Variants in HDAC9 observed in about 807,000 individuals in gnomAD.
HDAC9 encodes histone deacetylase 9, also known as MEF-2 interacting transcription repressor (MITR) protein.
A neutral mutation model predicts 139.4 loss-of-function variants in HDAC9; 41 were observed. The ratio of observed to expected loss-of-function variants is 0.29; its 90% CI spans 0.23 to 0.38. HDAC9 has a LOEUF of 0.38. Ranked by LOEUF, HDAC9 falls within the 10% of genes least tolerant of loss-of-function variation. The pLI is 1.00. For missense variants in HDAC9, 1,147 were observed against 1,297.0 expected, an observed-to-expected ratio of 0.88 and a Z score of 1.78; for synonymous variants, 517 against 476.2, an observed-to-expected ratio of 1.09 and a Z score of -1.12.
intron 17 of HDAC9, among the ~76,000 whole-genome samples, chr7:18,798,900 A>T (rs1006109323): frequency 5.9e-5 from 9 of 152,116 alleles, no homozygotes; most frequent in Non-Finnish European, 1.2e-4. Context: ...GCATACTCAG[A>T]TTTGTGTTCC....
intron 1 of HDAC9, among the ~76,000 whole-genome samples, chr7:18,320,860 A>T (rs1453367785): frequency 6.6e-6 from 1 of 152,102 alleles, no homozygotes; most frequent in African/African-American, 2.4e-5. Context: ...CAGCTGTGTG[A>T]CCTCAAGCAG....
chr7:18,247,970 G>A (rs1794666134), intron 2 of HDAC9, among the ~76,000 whole-genome samples: 1 of 152,130 alleles, frequency 6.6e-6, no homozygotes, highest in South Asian at 2.1e-4. Flanking sequence ...CTAAGAAAAT[G>A]TGGAAAATTT....
intron 12 of HDAC9, among the ~76,000 whole-genome samples, chr7:18,696,838 A>G (rs1783089363): frequency 6.6e-6 from 1 of 151,858 alleles, no homozygotes; most frequent in Admixed American, 6.6e-5. Flanking sequence ...ACAATATTGA[A>G]CAACCATTTG....
chr7:18,434,897 C>T (rs1051760418), intron 1 of HDAC9, among the ~76,000 whole-genome samples: 6 of 151,854 alleles, frequency 4.0e-5, no homozygotes, highest in Non-Finnish European at 8.8e-5. Flanking sequence ...CGGGTATATT[C>T]CCAAAGGAAT....
At chr7:18,657,343 T>C (rs1791561815) in intron 11 of HDAC9, among the ~76,000 whole-genome samples, 1 of 152,168 alleles carries the variant, frequency 6.6e-6, no homozygotes. Context: ...GCGATGTTTA[T>C]GAGTTGGGAG....
At chr7:18,284,224 C>A (rs1797289167) in intron 2 of HDAC9, among the ~76,000 whole-genome samples, 1 of 151,912 alleles carries the variant, frequency 6.6e-6, no homozygotes, top group Admixed American at 6.6e-5. Context: ...GTGACTTTAC[C>A]TTTAAAGTCA....
At chr7:18,530,116 C>G (rs545595722) in intron 2 of HDAC9, among the ~76,000 whole-genome samples, 1 of 151,162 alleles carries the variant, frequency 6.6e-6, no homozygotes, top group African/African-American at 2.4e-5. Context: ...CCAGTCTCTA[C>G]GTAAATAGAA....
chr7:18,343,968 A>G (rs1346726039), intron 1 of HDAC9, among the ~76,000 whole-genome samples: 2 of 151,980 alleles, frequency 1.3e-5, no homozygotes, highest in East Asian at 1.9e-4. Flanking sequence ...TATTTTTCCA[A>G]TAACCCAACT....
rs571202067 is a variant in HDAC9, at chr7:18,271,447, T to A, written c.25+109098T>A. On this transcript the variant is annotated intron_variant, in intron 2 of 12. Transcript: ENST00000417496. The stretch of plus-strand genomic sequence containing the variant: ...TTTCCTCCTCACCATGGTGTTGGAC[T>A]GAACAGCCCAAGTGGTATATGTATT... 1.7e-4 allele frequency among the ~76,000 whole-genome samples: 26 copies of A among 152,330 alleles called. 1 individual carries two copies. The South Asian group carries it at 5.4e-3, about 32-fold the overall frequency.
intron 17 of HDAC9, among the ~76,000 whole-genome samples, chr7:18,818,992 A>T (rs1794768819): frequency 6.6e-6 from 1 of 152,046 alleles, no homozygotes; most frequent in Non-Finnish European, 1.5e-5. Flanking sequence ...AAAAAAAAAA[A>T]TGTCTAGCCA....
intron 6 of HDAC9, among the ~76,000 whole-genome samples, chr7:18,609,765 T>A (rs1343660089): frequency 6.6e-6 from 1 of 151,722 alleles, no homozygotes; most frequent in Non-Finnish European, 1.5e-5. Context: ...TTTCTCCTAA[T>A]GCTATCCCTC....
chr7:18,274,816 A>G (rs984818556), intron 2 of HDAC9, among the ~76,000 whole-genome samples: 4 of 152,224 alleles, frequency 2.6e-5, no homozygotes, highest in African/African-American at 9.6e-5. Flanking sequence ...TAACACTGCT[A>G]TATATTCTTT....
chr7:18,333,167 A>G (rs558578772), intron 1 of HDAC9, among the ~76,000 whole-genome samples: 1 of 151,536 alleles, frequency 6.6e-6, no homozygotes, highest in Non-Finnish European at 1.5e-5. Flanking sequence ...ATTAAAAACT[A>G]CTGAGTCAGA....
intron 24 of HDAC9, among the ~76,000 whole-genome samples, chr7:18,970,882 G>C (rs1784203409): frequency 6.6e-6 from 1 of 152,148 alleles, no homozygotes; most frequent in Admixed American, 6.5e-5. Flanking sequence ...GGGATTTCTG[G>C]GGTCAGGAAG....
intron 1 of HDAC9, among the ~76,000 whole-genome samples, chr7:18,443,548 T>TA (rs1433319796): frequency 6.6e-6 from 1 of 152,194 alleles, no homozygotes; most frequent in Non-Finnish European, 1.5e-5. Flanking sequence ...TGGTCCATTC[T>TA]AAAAAACATG....
At chr7:18,135,337 A>G (rs911461970) in intron 1 of HDAC9, among the ~76,000 whole-genome samples, 6 of 145,832 alleles carry the variant, frequency 4.1e-5, no homozygotes, top group African/African-American at 1.5e-4. Context: ...GTTTTAGGAT[A>G]CATGTGCACA....
At chr7:18,335,769 C>G (rs567053089) in intron 1 of HDAC9, among the ~76,000 whole-genome samples, 1 of 151,424 alleles carries the variant, frequency 6.6e-6, no homozygotes. Flanking sequence ...TGGGGTGGTA[C>G]CAAACCATCA....
chr7:18,419,869 A>G (rs529612752), intron 1 of HDAC9, among the ~76,000 whole-genome samples: 18 of 152,302 alleles, frequency 1.2e-4, no homozygotes, highest in Admixed American at 1.1e-3. Flanking sequence ...AGCATACACC[A>G]TTACTATGAA....
At chr7:18,423,163 TG>T (rs754416110) in intron 1 of HDAC9, among the ~76,000 whole-genome samples, 24 of 152,368 alleles carry the variant, frequency 1.6e-4, no homozygotes, top group Middle Eastern at 3.4e-3. Context: ...AGGTATCTTT[TG>T]TTTTTATTTC....
Sources: allele counts gnomAD v4.1 joint callset (sites outside exome capture counted in the v4.1 genomes callset), GRCh38; gene constraint gnomAD v4.1.1; transcripts MANE v1.5; gene names NCBI Gene and HGNC (gene_info 2026-07-23, HGNC 2026-07-21).